Variants in ADAMTS18 observed in about 807,000 individuals in gnomAD.
The protein encoded by ADAMTS18 is ADAM metallopeptidase with thrombospondin type 1 motif 18, also known as A disintegrin and metalloproteinase with thrombospondin motifs 18.
Under a neutral mutation model 165.9 loss-of-function variants are expected in ADAMTS18, and 157 were observed. The ratio of observed to expected loss-of-function variants is 0.95; its 90% confidence interval spans 0.83 to 1.08. ADAMTS18 has a LOEUF of 1.08. Among genes scored for constraint, ADAMTS18 ranks in the 50% least tolerant of loss-of-function variants. The probability of loss-of-function intolerance (pLI) is 0.00; values close to 1 mark genes in which losing one functional copy is unlikely to be tolerated. For missense variants in ADAMTS18, 2,040 were observed against 1,534.0 expected (o/e 1.33, Z -5.51); for synonymous variants, 782 against 578.2 (o/e 1.35, Z -5.06).
Position 77,384,574 on chromosome 16 carries a change from G to A in ADAMTS18, c.496-16851C>T, listed in dbSNP as rs1410530810. On this transcript the variant is annotated intron_variant, in intron 3 of 22. Coordinates refer to ENST00000282849, the MANE Select transcript of ADAMTS18 (RefSeq NM_199355.4). Reference sequence around the variant, plus strand: ...TTTGAACTTCTGTACATTGGGGAACGTCTGAAGGTTTTGAATGGAAAAGCC... The same window carrying A: ...TTTGAACTTCTGTACATTGGGGAACATCTGAAGGTTTTGAATGGAAAAGCC... Among the ~76,000 whole-genome samples, 6 of 152,118 alleles carry A rather than the reference G, an allele frequency of 3.9e-5. No individual in the cohort carries two copies. In the South Asian group the frequency reaches 1.0e-3, roughly 26 times the overall value.
intron 3 of ADAMTS18, among the ~76,000 whole-genome samples, chr16:77,396,391 C>CA (rs528893073): frequency 1.1e-4 from 16 of 152,150 alleles, no homozygotes; most frequent in Non-Finnish European, 1.8e-4. Context: ...AGCCTTTCTA[C>CA]AAAAAATATG....
chr16:77,401,116 G>C (rs1026664242), intron 3 of ADAMTS18, among the ~76,000 whole-genome samples: 1 of 151,960 alleles, frequency 6.6e-6, no homozygotes, highest in South Asian at 2.1e-4. Flanking sequence ...TTAGCCAGGC[G>C]TGGTGGCGGG....
chr16:77,371,928 A>G (rs185124532), intron 3 of ADAMTS18, among the ~76,000 whole-genome samples: 1 of 152,158 alleles, frequency 6.6e-6, no homozygotes, highest in Non-Finnish European at 1.5e-5. Context: ...TCAGCAAAAA[A>G]TAACAATAAT....
chr16:77,313,891 A>T (rs1452112497), intron 16 of ADAMTS18, among the ~76,000 whole-genome samples: 2 of 152,216 alleles, frequency 1.3e-5, no homozygotes, highest in East Asian at 1.9e-4. Context: ...CAATGTATCT[A>T]AAAAAGGACT....
chr16:77,370,812 T>C (rs1362943823), intron 3 of ADAMTS18, among the ~76,000 whole-genome samples: 4 of 151,688 alleles, frequency 2.6e-5, no homozygotes, highest in East Asian at 3.9e-4. Context: ...TATATACATA[T>C]ACACACACAC....
At chr16:77,383,412 T>G (rs984406935) in intron 3 of ADAMTS18, among the ~76,000 whole-genome samples, 15 of 152,166 alleles carry the variant, frequency 9.9e-5, no homozygotes, top group African/African-American at 3.4e-4. Context: ...CTACATTCAC[T>G]CCATTGCTGT....
chr16:77,366,984 G>A (rs369935142), intron 4 of ADAMTS18, among the ~76,000 whole-genome samples: 2 of 152,030 alleles, frequency 1.3e-5, no homozygotes, highest in South Asian at 2.1e-4. Flanking sequence ...GTCTGGAAAC[G>A]GCCGAAGGTT....
intron 3 of ADAMTS18, among the ~76,000 whole-genome samples, chr16:77,400,022 C>A (rs1268401483): frequency 6.6e-6 from 1 of 152,268 alleles, no homozygotes; most frequent in African/African-American, 2.4e-5. Context: ...ATCAAGAACT[C>A]TATGGTGGCA....
chr16:77,425,367 C>G (rs2057658336), intron 3 of ADAMTS18, among the ~76,000 whole-genome samples: 1 of 152,138 alleles, frequency 6.6e-6, no homozygotes, highest in African/African-American at 2.4e-5. Context: ...GGTACATACT[C>G]CACTCAGAGC....
chr16:77,296,467 G>A (rs559830754), intron 18 of ADAMTS18, among the ~76,000 whole-genome samples: 141 of 152,188 alleles, frequency 9.3e-4, no homozygotes, highest in Non-Finnish European at 1.3e-3. Flanking sequence ...ACAACCGCAC[G>A]CAAATTGAAC....
chr16:77,422,312 A>C (rs570669366), intron 3 of ADAMTS18, among the ~76,000 whole-genome samples: 25 of 152,028 alleles, frequency 1.6e-4, no homozygotes, highest in Non-Finnish European at 3.1e-4. Flanking sequence ...TTATTGCTGA[A>C]TAAGTCACCG....
chr16:77,399,969 G>T (rs565040514), intron 3 of ADAMTS18, among the ~76,000 whole-genome samples: 1 of 152,250 alleles, frequency 6.6e-6, no homozygotes, highest in East Asian at 1.9e-4. Context: ...TGAACATCTT[G>T]CCAGGTATGG....
At chr16:77,296,529 G>A (rs79007885) in intron 18 of ADAMTS18, among the ~76,000 whole-genome samples, 3,578 of 152,270 alleles carry the variant, frequency 0.023, 147 homozygotes, top group African/African-American at 0.082. Context: ...ATTCAGAGAA[G>A]AGGAATCCCT....
chr16:77,383,622 C>G (rs2057064450), intron 3 of ADAMTS18, among the ~76,000 whole-genome samples: 1 of 152,222 alleles, frequency 6.6e-6, no homozygotes, highest in South Asian at 2.1e-4. Flanking sequence ...CAGCTCACTG[C>G]AACCTCCACC....
intron 3 of ADAMTS18, among the ~76,000 whole-genome samples, chr16:77,390,684 C>A (rs1389694969): frequency 7.0e-6 from 1 of 143,562 alleles, no homozygotes; most frequent in Non-Finnish European, 1.5e-5. Context: ...AGCAAGACTC[C>A]ATCTCAAAAA....
chr16:77,410,965 G>GA (rs1367543167), intron 3 of ADAMTS18, among the ~76,000 whole-genome samples: 1 of 152,124 alleles, frequency 6.6e-6, no homozygotes, highest in Non-Finnish European at 1.5e-5. Flanking sequence ...TTATTCACTA[G>GA]TTTTGGAAGA....
intron 16 of ADAMTS18, among the ~76,000 whole-genome samples, chr16:77,317,877 G>A (rs1567477160): frequency 6.6e-6 from 1 of 152,132 alleles, no homozygotes; most frequent in Admixed American, 6.5e-5. Context: ...TAAATTGAGT[G>A]CTTCAGTTTA....
At chr16:77,384,814 T>A (rs1472017051) in intron 3 of ADAMTS18, among the ~76,000 whole-genome samples, 1 of 125,878 alleles carries the variant, frequency 7.9e-6, no homozygotes, top group African/African-American at 3.1e-5. Context: ...CTGATACCAT[T>A]TTTGCTTCAG....
chr16:77,409,170 G>A (rs1348457381), intron 3 of ADAMTS18, among the ~76,000 whole-genome samples: 1 of 152,060 alleles, frequency 6.6e-6, no homozygotes, highest in Non-Finnish European at 1.5e-5. Context: ...GGAGGGCTAC[G>A]TACTCATTAT....
Sources: allele counts gnomAD v4.1 joint callset (sites outside exome capture counted in the v4.1 genomes callset), GRCh38; gene constraint gnomAD v4.1.1; transcripts MANE v1.5; gene names NCBI Gene and HGNC (gene_info 2026-07-23, HGNC 2026-07-21).